The following CARF variants were observed in gnomAD, a reference collection of about 807,000 sequenced individuals.
The protein encoded by CARF is calcium-responsive transcription factor.
CARF carries 57 observed loss-of-function variants against 82.0 expected under a neutral mutation model. The observed-to-expected ratio is 0.70, with a 90% CI of 0.56 to 0.87. The LOEUF (loss-of-function observed/expected upper bound fraction) is 0.87, where lower values mean the gene tolerates loss of function less well. Ranked by LOEUF, CARF falls within the 40% of genes least tolerant of loss-of-function variation. CARF has a pLI of 0.00. For synonymous variants in CARF, 268 were observed against 290.1 expected, an observed-to-expected ratio of 0.92 and a Z score of 0.77; for missense variants, 771 against 855.8, an observed-to-expected ratio of 0.90 and a Z score of 1.24.
intron 9 of CARF, chr2:202,962,939 GTAAT>G (rs2105888325): frequency 6.6e-6 from 1 of 152,118 alleles, no homozygotes; most frequent in Admixed American, 6.6e-5. Context: ...ATGAAAAGCT[GTAAT>G]TAGTTTTTCT....
chr2:202,955,719 T>C lies in CARF; in HGVS notation c.603T>C (p.Ser201=), dbSNP rs372767580. Residue 201 remains serine, a synonymous_variant, in exon 8 of 17, where the codon TCT becomes TCC. Transcript: ENST00000438828. ...PLLGPLQPLS[S]NTPIWACRLR... ...TGGGGCCTCTTCAGCCACTTTCTTC[T>C]AATACACCTATATGGGCCTGCCGTC... 43 of 1,612,438 alleles carry C rather than the reference T, an allele frequency of 2.7e-5. No individual in the cohort carries two copies.
chr2:202,915,942 A>G (rs1166892521), intron 1 of CARF, among the ~76,000 whole-genome samples: 1 of 152,152 alleles, frequency 6.6e-6, no homozygotes, highest in Non-Finnish European at 1.5e-5. Context: ...TATTGTTTAT[A>G]TATAATTGCA....
chr2:202,981,482 T>G, intron 14 of CARF, 73 bp from the exon 15 acceptor site: 1 of 1,076,844 alleles, frequency 9.3e-7, no homozygotes, highest in Non-Finnish European at 1.3e-6. Flanking sequence ...ACAGAAAGGG[T>G]TGTAATAAAG....
At chr2:202,939,206 A>G (rs1481726616) in intron 3 of CARF, among the ~76,000 whole-genome samples, 4 of 152,160 alleles carry the variant, frequency 2.6e-5, no homozygotes, top group Admixed American at 6.5e-5. Context: ...ATTGCCAGCC[A>G]TTATCTCTTC....
At chr2:202,916,909 C>T (rs981474019) in intron 1 of CARF, among the ~76,000 whole-genome samples, 13 of 152,074 alleles carry the variant, frequency 8.5e-5, no homozygotes, top group African/African-American at 3.1e-4. Flanking sequence ...CCTTTCTTCC[C>T]AGAATAAAAA....
intron 1 of CARF, among the ~76,000 whole-genome samples, chr2:202,913,387 AC>A (rs1240128801): frequency 6.6e-6 from 1 of 152,172 alleles, no homozygotes; most frequent in Non-Finnish European, 1.5e-5. Flanking sequence ...TTTGTGCCAC[AC>A]TTTTATCAAC....
intron 8 of CARF, among the ~76,000 whole-genome samples, chr2:202,958,822 T>G (rs2059173579): frequency 6.6e-6 from 1 of 151,272 alleles, no homozygotes; most frequent in African/African-American, 2.4e-5. Flanking sequence ...GGAGAATCGC[T>G]TGAACCCAGG....
intron 3 of CARF, chr2:202,924,897 G>C (rs1691510332): frequency 8.4e-6 from 2 of 237,014 alleles, no homozygotes; most frequent in African/African-American, 4.6e-5. Context: ...CCAACACCCA[G>C]GCTGTATGCA....
chr2:202,924,930 G>C, intron 3 of CARF: 1 of 274,766 alleles, frequency 3.6e-6, no homozygotes, highest in African/African-American at 2.2e-5. Flanking sequence ...TGCAGATCAA[G>C]ACCCTAAACA....
intron 3 of CARF, chr2:202,924,911 C>G: frequency 4.0e-6 from 1 of 251,620 alleles, no homozygotes; most frequent in South Asian, 4.6e-5. Context: ...GTATGCACCC[C>G]GGAGAAATTG....
At chr2:202,928,547 A>G (rs1250293027) in intron 3 of CARF, among the ~76,000 whole-genome samples, 2 of 152,244 alleles carry the variant, frequency 1.3e-5, no homozygotes, top group East Asian at 3.9e-4. Flanking sequence ...AGTAATCTCT[A>G]TACTGTTTTT....
intron 5 of CARF, among the ~76,000 whole-genome samples, chr2:202,944,327 G>A (rs1354945695): frequency 3.3e-5 from 5 of 151,894 alleles, no homozygotes; most frequent in Non-Finnish European, 7.4e-5. Context: ...TGTGTTTCTT[G>A]TTTACTTGAA....
chr2:202,953,268 C>T (rs954443841), intron 6 of CARF, among the ~76,000 whole-genome samples: 1 of 151,934 alleles, frequency 6.6e-6, no homozygotes, highest in Non-Finnish European at 1.5e-5. Flanking sequence ...CACCTGCCTC[C>T]GCCTCCCAAA....
Position 202,985,022 on chromosome 2 carries a change from C to T in CARF, c.*1398C>T, listed in dbSNP as rs2060388123. 6.6e-6 allele frequency: 1 copy of T among 150,872 alleles called. No individual in the cohort carries two copies. Among genetic ancestry groups the T allele is most frequent in the Admixed American group, 6.6e-5 (1 of 15,104 alleles). The allele number at this position is 150,872 out of a possible 1,614,324, so 9.3% of individuals were successfully genotyped here. A position where few individuals can be genotyped will look rare whatever the true frequency, so the allele number is the denominator to read the frequency against. On this transcript the variant is annotated 3_prime_UTR_variant, in exon 17 of 17. Transcript: ENST00000438828. Reference sequence around the variant, plus strand: ...AATGAGCCGAGATCGCGCCATTGCACTCCAGCCTGGGTGACAAGAGAAAAA... The same window carrying T: ...AATGAGCCGAGATCGCGCCATTGCATTCCAGCCTGGGTGACAAGAGAAAAA...
At chr2:202,978,091 C>G (rs372308864) in intron 14 of CARF, among the ~76,000 whole-genome samples, 5 of 152,282 alleles carry the variant, frequency 3.3e-5, no homozygotes, top group African/African-American at 1.2e-4. Flanking sequence ...GGTGATCCAC[C>G]CACCTTGGCC....
rs145227893 is a variant in CARF, at chr2:202,944,064, G to A, written c.306+1097G>A. Among the ~76,000 whole-genome samples, 61 of 152,274 alleles carry A rather than the reference G, an allele frequency of 4.0e-4. No individual in the cohort carries two copies. In the East Asian group the frequency reaches 0.011, roughly 28 times the overall value. On this transcript the variant is annotated intron_variant, in intron 5 of 16. Transcript: ENST00000438828. The stretch of plus-strand genomic sequence containing the variant: ...GCAATGGAGGTACTACTAGTATATG[G>A]GGAATTAGACATATCCTTGCTGATC...
intron 7 of CARF, 47 bp from the exon 8 acceptor site, chr2:202,955,627 T>C: frequency 1.5e-6 from 2 of 1,365,088 alleles, no homozygotes; most frequent in South Asian, 1.3e-5. Flanking sequence ...ATGCATTTTG[T>C]GTGTTCATTG....
chr2:202,961,504 A>T (rs1240205679), intron 9 of CARF, 78 bp downstream of exon 9: 6 of 1,297,726 alleles, frequency 4.6e-6, no homozygotes, highest in Non-Finnish European at 6.5e-6. Flanking sequence ...TCCTAAGGTG[A>T]TAACATTTTT....
At chr2:202,980,713 T>C (rs1288961210) in intron 14 of CARF, among the ~76,000 whole-genome samples, 2 of 140,264 alleles carry the variant, frequency 1.4e-5, no homozygotes, top group Non-Finnish European at 3.1e-5. Context: ...AACAAACTGC[T>C]GACCAAAAAT....
Sources: allele counts gnomAD v4.1 joint callset (sites outside exome capture counted in the v4.1 genomes callset), GRCh38; gene constraint gnomAD v4.1.1; transcripts MANE v1.5; gene names NCBI Gene and HGNC (gene_info 2026-07-23, HGNC 2026-07-21).